Variants in CDYL observed in about 807,000 individuals in gnomAD.
CDYL encodes the protein chromodomain Y like.
In CDYL, 8 loss-of-function variants were observed where a neutral mutation model predicts 47.3. The ratio of observed to expected loss-of-function variants is 0.17; its 90% CI spans 0.10 to 0.31. The LOEUF is 0.31. Among genes scored for constraint, CDYL ranks in the 10% least tolerant of loss-of-function variants. The pLI is 1.00. For missense variants in CDYL, 471 were observed against 701.4 expected, an observed-to-expected ratio of 0.67 and a Z score of 3.71; for synonymous variants, 266 against 265.0, an observed-to-expected ratio of 1.00 and a Z score of -0.04.
intron 1 of CDYL, among the ~76,000 whole-genome samples, chr6:4,814,288 T>C (rs1236105646): frequency 6.6e-6 from 1 of 152,230 alleles, no homozygotes; most frequent in African/African-American, 2.4e-5. Context: ...GCTATTTTTA[T>C]GTTAGTTAAT....
chr6:4,929,342 C>T lies in CDYL; in HGVS notation c.692-6173C>T, dbSNP rs150374633. Among the ~76,000 whole-genome samples the T allele has an allele frequency of 2.8e-3, 430 of 151,554 alleles. 2 individuals carry two copies. Among genetic ancestry groups the T allele is most frequent in the African/African-American group, 7.7e-3 (319 of 41,274 alleles). ...TTATTCTATCTGTAATCTTTTTGTT[C>T]TCATGTTATCAGCAGATGATAATAG... On this transcript the variant is annotated intron_variant, in intron 2 of 6. Transcript: ENST00000397588.
chr6:4,911,767 C>A (rs1010796069), intron 2 of CDYL, among the ~76,000 whole-genome samples: 2 of 152,222 alleles, frequency 1.3e-5, no homozygotes, highest in South Asian at 4.1e-4. Context: ...AGGACATCCA[C>A]TTTCAAATTT....
At chr6:4,802,732 C>CT (rs1190362699) in intron 1 of CDYL, among the ~76,000 whole-genome samples, 7 of 138,312 alleles carry the variant, frequency 5.1e-5, no homozygotes, top group Middle Eastern at 4.1e-3. Context: ...TTATTTTGTT[C>CT]TTTTTTTTTC....
chr6:4,731,162 C>A (rs981517621), intron 2 of CDYL, among the ~76,000 whole-genome samples: 1 of 152,054 alleles, frequency 6.6e-6, no homozygotes, highest in East Asian at 1.9e-4. Context: ...TCTGGTAATA[C>A]ATTGTACGAT....
chr6:4,757,908 C>A (rs1376070836), intron 3 of CDYL, among the ~76,000 whole-genome samples: 2 of 151,818 alleles, frequency 1.3e-5, no homozygotes, highest in African/African-American at 2.4e-5. Flanking sequence ...AAAATCCTCC[C>A]AAAAGATGGC....
At chr6:4,814,501 T>C (rs1650368158) in intron 1 of CDYL, among the ~76,000 whole-genome samples, 2 of 152,012 alleles carry the variant, frequency 1.3e-5, no homozygotes, top group African/African-American at 4.8e-5. Flanking sequence ...AAAAGTAGAG[T>C]TTACAGACAA....
At chr6:4,835,629 G>C (rs1760277862) in intron 1 of CDYL, among the ~76,000 whole-genome samples, 1 of 152,218 alleles carries the variant, frequency 6.6e-6, no homozygotes, top group Non-Finnish European at 1.5e-5. Context: ...ATTTAAGTCT[G>C]CAGAGCTTAC....
intron 1 of CDYL, among the ~76,000 whole-genome samples, chr6:4,813,728 T>TA (rs1445272279): frequency 1.3e-5 from 2 of 152,208 alleles, no homozygotes; most frequent in African/African-American, 2.4e-5. Flanking sequence ...CTCAAGTTTC[T>TA]ATCTCAGACT....
intron 1 of CDYL, among the ~76,000 whole-genome samples, chr6:4,824,140 A>G (rs375565271): frequency 1.3e-5 from 2 of 152,226 alleles, no homozygotes; most frequent in South Asian, 2.1e-4. Context: ...CTTAGTGGAC[A>G]TATGCGTTGT....
intron 1 of CDYL, among the ~76,000 whole-genome samples, chr6:4,784,701 T>G (rs1758706704): frequency 6.6e-6 from 1 of 152,212 alleles, no homozygotes; most frequent in Admixed American, 6.5e-5. Flanking sequence ...TTACTGTACC[T>G]TTTCTATGTT....
intron 2 of CDYL, among the ~76,000 whole-genome samples, chr6:4,900,779 G>GTGTGTATATATGTATATATATATA: frequency 1.9e-5 from 1 of 51,706 alleles, no homozygotes; most frequent in Non-Finnish European, 4.1e-5. Context: ...GTATACGTGT[G>GTGTGTATATATGTATATATATATA]TATATATATA....
chr6:4,841,491 A>C (rs912754672), intron 1 of CDYL, among the ~76,000 whole-genome samples: 5 of 151,786 alleles, frequency 3.3e-5, no homozygotes, highest in Non-Finnish European at 1.5e-5. Context: ...TAGATTGTCT[A>C]TTTGTTCTCT....
intron 1 of CDYL, among the ~76,000 whole-genome samples, chr6:4,857,077 A>G (rs557821145): frequency 6.6e-6 from 1 of 152,320 alleles, no homozygotes; most frequent in East Asian, 1.9e-4. Context: ...GTTCAGTGTT[A>G]TAGTTTGTGG....
intron 1 of CDYL, among the ~76,000 whole-genome samples, chr6:4,849,741 CT>C (rs1383280254): frequency 1.3e-5 from 2 of 151,184 alleles, no homozygotes; most frequent in Non-Finnish European, 2.9e-5. Context: ...ATTCTTACTT[CT>C]TTTGCACCTG....
rs559617969 is a variant in CDYL at position 4,834,568 on chromosome 6, C to G, written c.25-57145C>G. Among the ~76,000 whole-genome samples the G allele has an allele frequency of 1.7e-3, 260 of 149,618 alleles. 1 individual carries two copies. Among genetic ancestry groups the G allele is most frequent in the African/African-American group, 6.3e-3 (254 of 40,510 alleles). On this transcript the variant is annotated intron_variant, in intron 1 of 6. Coordinates refer to ENST00000397588, the MANE Select transcript of CDYL (RefSeq NM_004824.4). Reference sequence around the variant, plus strand: ...TTATGTGTCTTGGAGTTGCTCTTCTCGAGGAGTATCTTTGTGGCGTTCTCT... The same window carrying G: ...TTATGTGTCTTGGAGTTGCTCTTCTGGAGGAGTATCTTTGTGGCGTTCTCT...
chr6:4,860,179 A>G (rs1014811821), intron 1 of CDYL, among the ~76,000 whole-genome samples: 3 of 152,016 alleles, frequency 2.0e-5, no homozygotes, highest in Non-Finnish European at 1.5e-5. Flanking sequence ...GGAATTACAG[A>G]CGTGAGCCAC....
intron 2 of CDYL, among the ~76,000 whole-genome samples, chr6:4,732,712 A>G (rs1350448773): frequency 6.6e-6 from 1 of 151,996 alleles, no homozygotes; most frequent in Non-Finnish European, 1.5e-5. Context: ...TATCCCTTCA[A>G]TTTTGAGGGG....
At chr6:4,905,462 A>C (rs1357326094) in intron 2 of CDYL, among the ~76,000 whole-genome samples, 1 of 152,204 alleles carries the variant, frequency 6.6e-6, no homozygotes, top group African/African-American at 2.4e-5. Context: ...GGCAGGCCAC[A>C]TTTCAGCGTC....
chr6:4,724,111 G>T (rs1357018472), intron 2 of CDYL, among the ~76,000 whole-genome samples: 2 of 152,168 alleles, frequency 1.3e-5, no homozygotes, highest in African/African-American at 4.8e-5. Context: ...CATGATCTTG[G>T]CTCACTATAA....
Sources: allele counts gnomAD v4.1 joint callset (sites outside exome capture counted in the v4.1 genomes callset), GRCh38; gene constraint gnomAD v4.1.1; transcripts MANE v1.5; gene names NCBI Gene and HGNC (gene_info 2026-07-23, HGNC 2026-07-21).